The following USF1 variants were observed in gnomAD, a reference collection of about 807,000 sequenced individuals.
The protein encoded by USF1 is upstream stimulatory factor 1.
USF1 carries 22 observed loss-of-function variants against 46.3 expected under a neutral mutation model. That is an observed-to-expected ratio of 0.47 (90% CI 0.34 to 0.68). The LOEUF (loss-of-function observed/expected upper bound fraction) is 0.68, where lower values mean the gene tolerates loss of function less well. USF1 is among the 30% of genes least tolerant of loss of function. The probability of loss-of-function intolerance (pLI) is 0.01; values close to 1 mark genes in which losing one functional copy is unlikely to be tolerated. For synonymous variants in USF1, 150 were observed against 147.0 expected (o/e 1.02, Z -0.15); for missense variants, 287 against 399.3 (o/e 0.72, Z 2.40).
At chr1:161,041,623 C>G (rs1479219449) in intron 6 of USF1, 28 bp downstream of exon 6, 2 of 1,590,652 alleles carry the variant, frequency 1.3e-6, no homozygotes, top group African/African-American at 2.7e-5. Flanking sequence ...CTAGCCCTTT[C>G]AGCCAGCATC....
intron 5 of USF1, 84 bp downstream of exon 5, chr1:161,042,032 C>G (rs1009646652): frequency 8.9e-6 from 13 of 1,464,724 alleles, no homozygotes; most frequent in South Asian, 2.5e-5. Flanking sequence ...CCTCACTGTT[C>G]CTAGCTTCAC....
chr1:161,043,640 TTGAGACAGAGTCTCTCTC>T (rs967270207), intron 1 of USF1, among the ~76,000 whole-genome samples: 9 of 103,932 alleles, frequency 8.7e-5, no homozygotes, highest in African/African-American at 2.7e-4. Context: ...TTTTTTTTTT[TTGAGACAGAGTCTCTCTC>T]TGTCACCCAG....
chr1:161,041,357 C>T lies in USF1; in HGVS notation c.527G>A (p.Arg176His), dbSNP rs369542538. ...AGGGTGAGTCCTAGGGGCAATTGAGCGCTGGCTTCCTCCCTGCAGTACTTC... is the reference window on the plus strand; with the variant it reads ...AGGGTGAGTCCTAGGGGCAATTGAGTGCTGGCTTCCTCCCTGCAGTACTTC... Reference protein sequence around the residue: ...PQEVLQGGSQRSIAPRTHPYS... With the variant: ...PQEVLQGGSQHSIAPRTHPYS... The change falls in exon 7 of 11, where the codon CGC becomes CAC. Residue 176 changes from arginine (R) to histidine (H), a missense_variant. By Grantham distance (29) the Arg-to-His change is conservative (BLOSUM62 0). Coordinates refer to ENST00000368021, the MANE Select transcript of USF1 (RefSeq NM_007122.5). 23 of 1,612,778 alleles carry T rather than the reference C, an allele frequency of 1.4e-5. No homozygotes were observed. The highest frequency in any genetic ancestry group is 1.3e-4 in the East Asian group (6 of 44,864).
chr1:161,042,747 G>A (rs746520426), intron 3 of USF1, 77 bp from the exon 4 acceptor site: 18 of 1,610,278 alleles, frequency 1.1e-5, no homozygotes, highest in African/African-American at 2.7e-5. Flanking sequence ...GTCACGGAAG[G>A]AGGAGGATGC....
In USF1 at chr1:161,041,261, CAAAAAAAAAAA is replaced by C. The variant is rs1181304214; in HGVS notation, c.560+52_560+62del. The C allele has an allele frequency of 2.7e-3, 1,786 of 668,670 alleles. 35 individuals are homozygous for C. In the African/African-American group the frequency reaches 0.061, roughly 23 times the overall value. 41.4% of individuals were successfully genotyped at this position (668,670 alleles called of 1,614,324 possible). On this transcript the variant is annotated intron_variant, in intron 7 of 10. Coordinates refer to ENST00000368021, the MANE Select transcript of USF1 (RefSeq NM_007122.5). ...TGGGTGACAGAGCAAGACTCTGTCTCAAAAAAAAAAAAAAAAAAAAAAAACCACTTACGGAA... is the reference window on the plus strand; with the variant it reads ...TGGGTGACAGAGCAAGACTCTGTCTCAAAAAAAAAAAAACCACTTACGGAA...
intron 1 of USF1, among the ~76,000 whole-genome samples, chr1:161,045,140 G>A (rs958775538): frequency 6.6e-6 from 1 of 152,196 alleles, no homozygotes; most frequent in African/African-American, 2.4e-5. Flanking sequence ...TGCAGGGGAA[G>A]GCAATGAAAT....
intron 5 of USF1, 35 bp from the exon 6 acceptor site, chr1:161,041,881 C>T (rs374347359): frequency 3.8e-6 from 6 of 1,592,304 alleles, no homozygotes; most frequent in African/African-American, 2.7e-5. Flanking sequence ...ATTCTGGTAA[C>T]AGTCAAAAAC....
rs1392517924 is a variant in USF1, at chr1:161,040,128, C to T, written c.843+74G>A. On this transcript the variant is annotated intron_variant, in intron 10 of 10. Coordinates refer to ENST00000368021, the MANE Select transcript of USF1 (RefSeq NM_007122.5). This position sits in a 1 kb window ranked among gnomAD's most constrained non-coding sequence, Gnocchi z 4.0. ...AAGATGAAGCCTTCTCCATGGAGAA[C>T]AAAGTAGAGGGTGTCAAACTGGGTC... 2 of 1,609,802 alleles carry T rather than the reference C, an allele frequency of 1.2e-6. No homozygotes were observed. The highest frequency in any genetic ancestry group is 1.7e-6 in the Non-Finnish European group (2 of 1,177,172).
chr1:161,039,272 T>TAAAAAAAAAAAAAA lies in USF1; in HGVS notation c.*634_*647dup, dbSNP rs748404757. 5.2e-4 allele frequency: 31 copies of TAAAAAAAAAAAAAA among 59,214 alleles called. No homozygotes were observed. Among genetic ancestry groups the TAAAAAAAAAAAAAA allele is most frequent in the African/African-American group, 7.1e-4 (10 of 14,104 alleles). The allele number at this position is 59,214 out of a possible 1,614,324, so 3.7% of individuals were successfully genotyped here. On this transcript the variant is annotated 3_prime_UTR_variant, in exon 11 of 11. Transcript: ENST00000368021. ...ACTGTGGCTTTGAACAATTTTATCT[T>TAAAAAAAAAAAAAA]AAAAAAAAAAAAAAAAAAAAAAAAA...
intron 1 of USF1, among the ~76,000 whole-genome samples, chr1:161,045,259 C>T (rs1212920622): frequency 6.6e-6 from 1 of 152,184 alleles, no homozygotes; most frequent in African/African-American, 2.4e-5. Flanking sequence ...CTTAGTTGGA[C>T]ATCCGGAAGC....
Position 161,040,619 on chromosome 1 carries a change from T to C in USF1, c.671A>G (p.Lys224Arg), listed in dbSNP as rs1170968561. The C allele has an allele frequency of 3.7e-6, 6 of 1,612,182 alleles. No homozygotes were observed. Among genetic ancestry groups the C allele is most frequent in the African/African-American group, 2.7e-5 (2 of 74,734 alleles). ...KINNWIVQLSKIIPDCSMEST... is the reference protein window; with the variant it reads ...KINNWIVQLSRIIPDCSMEST... ...CTCCATAGAGCAGTCTGGGATTATC[T>C]TGGAGAGCTGCACGATCCAGTTGTT... Residue 224 changes from lysine to arginine, a missense_variant, in exon 9 of 11, where the codon AAG becomes AGG. Coordinates refer to ENST00000368021, the MANE Select transcript of USF1 (RefSeq NM_007122.5). This position sits in a 1 kb window ranked among gnomAD's most constrained non-coding sequence, Gnocchi z 4.0.
chr1:161,042,300 TC>T, intron 4 of USF1, 83 bp from the exon 5 acceptor site: 1 of 1,398,706 alleles, frequency 7.1e-7, no homozygotes, highest in Non-Finnish European at 9.8e-7. Flanking sequence ...TCATAAAGCT[TC>T]CCTTGGATAG....
Position 161,040,347 on chromosome 1 carries a change from A to G in USF1, c.715-17T>C. On this transcript the variant is annotated splice_polypyrimidine_tract_variant and intron_variant, in intron 9 of 10. Transcript: ENST00000368021. This position sits in a 1 kb window ranked among gnomAD's most constrained non-coding sequence, Gnocchi z 4.0. ...ACCTTTACTCTGCAAGATAAGGTCA[A>G]CAAAATGAGAACTAGGATTTCAGAT... 1 of 1,613,052 alleles carries G rather than the reference A, an allele frequency of 6.2e-7. No homozygotes were observed. The highest frequency in any genetic ancestry group is 2.2e-5 in the East Asian group (1 of 44,850).
chr1:161,042,040 C>T, intron 5 of USF1, 76 bp downstream of exon 5: 2 of 1,486,792 alleles, frequency 1.3e-6, no homozygotes, highest in Non-Finnish European at 1.8e-6. Context: ...TTCCTAGCTT[C>T]ACCCCCATCC....
chr1:161,041,929 G>A (rs546493645), intron 5 of USF1, 83 bp from the exon 6 acceptor site: 1 of 1,422,074 alleles, frequency 7.0e-7, no homozygotes, highest in South Asian at 1.3e-5. Context: ...TCTATCCGTT[G>A]GGGTGGTAGG....
Position 161,043,451 on chromosome 1 carries a change from A to G in USF1, c.-85-91T>C, listed in dbSNP as rs1039055751. The G allele has an allele frequency of 7.3e-6, 7 of 953,774 alleles. No homozygotes were observed. In the East Asian group the frequency reaches 1.8e-4, roughly 25 times the overall value. The allele number at this position is 953,774 out of a possible 1,614,324, so 59.1% of individuals were successfully genotyped here. The stretch of plus-strand genomic sequence containing the variant: ...TAGGTTCCATGAACACATAGCCAGG[A>G]AAATAACCCAGTCATCTGCAGGGGA... On this transcript the variant is annotated intron_variant, in intron 1 of 10. Transcript: ENST00000368021.
chr1:161,042,257 GA>G, intron 4 of USF1, 40 bp from the exon 5 acceptor site: 1 of 1,576,700 alleles, frequency 6.3e-7, no homozygotes. Context: ...GAAGAGAGAA[GA>G]AAAGATTAAG....
Position 161,041,279 on chromosome 1 carries a change from A to C in USF1, c.560+45T>G, listed in dbSNP as rs757812398. ...TCTGTCTCAAAAAAAAAAAAAAAAA[A>C]AAAAAACCACTTACGGAATCTGAGA... On this transcript the variant is annotated intron_variant, in intron 7 of 10. Coordinates refer to ENST00000368021, the MANE Select transcript of USF1 (RefSeq NM_007122.5). The C allele has an allele frequency of 1.5e-5, 22 of 1,448,622 alleles. No individual in the cohort carries two copies. The South Asian group carries it at 2.2e-4, about 14-fold the overall frequency. 89.7% of individuals were successfully genotyped at this position (1,448,622 alleles called of 1,614,324 possible).
intron 3 of USF1, 37 bp downstream of exon 3, chr1:161,042,796 A>G: frequency 6.2e-7 from 1 of 1,614,056 alleles, no homozygotes. Context: ...GGAGGCCATG[A>G]TGGGTTCTTA....
Sources: gnomAD v4.1 joint callset for allele counts (sites outside exome capture counted in the v4.1 genomes callset) on GRCh38, gnomAD v4.1.1 for gene constraint, Gnocchi (gnomAD v3.1) non-coding constraint, MANE v1.5 for transcripts, NCBI Gene and HGNC (gene_info 2026-07-23, HGNC 2026-07-21) for gene names.